Variants in FRK observed in about 807,000 individuals in gnomAD.
The protein encoded by FRK is fyn related Src family tyrosine kinase.
A neutral mutation model predicts 56.4 loss-of-function variants in FRK; 51 were observed. The ratio of observed to expected loss-of-function variants is 0.90; its 90% confidence interval spans 0.72 to 1.14. The LOEUF is 1.14. Ranked by LOEUF, FRK falls within the 50% of genes most tolerant of loss-of-function variation. The pLI, the probability that FRK is intolerant of heterozygous loss-of-function variation, is 0.00. For missense variants in FRK, 570 were observed against 601.4 expected (o/e 0.95, Z 0.55); for synonymous variants, 245 against 217.9 (o/e 1.12, Z -1.10).
intron 7 of FRK, 72 bp from the exon 8 acceptor site, chr6:115,942,697 C>T (rs1243468188): frequency 1.4e-5 from 18 of 1,256,106 alleles, no homozygotes; most frequent in East Asian, 2.3e-5. Flanking sequence ...AACTTATAGC[C>T]ATTTATACTC....
intron 1 of FRK, among the ~76,000 whole-genome samples, chr6:116,057,675 G>C (rs1777451506): frequency 6.6e-6 from 1 of 152,136 alleles, no homozygotes; most frequent in African/African-American, 2.4e-5. Context: ...CAGAGATCTA[G>C]AATGGTACTG....
chr6:115,994,419 C>CA (rs1774757623), intron 2 of FRK, among the ~76,000 whole-genome samples: 1 of 146,512 alleles, frequency 6.8e-6, no homozygotes, highest in Non-Finnish European at 1.5e-5. Context: ...CCTCGCTATG[C>CA]ATTTGGATGA....
intron 2 of FRK, among the ~76,000 whole-genome samples, chr6:116,003,260 G>T (rs1775131532): frequency 6.6e-6 from 1 of 152,104 alleles, no homozygotes; most frequent in South Asian, 2.1e-4. Flanking sequence ...AAGATATTCT[G>T]CAACCTGGCA....
At chr6:116,054,498 CTATTATAA>C (rs932506016) in intron 1 of FRK, among the ~76,000 whole-genome samples, 12 of 137,206 alleles carry the variant, frequency 8.7e-5, no homozygotes, top group Non-Finnish European at 3.1e-5. Flanking sequence ...GTATATTATA[CTATTATAA>C]TATTATACTA....
At chr6:116,097,620 C>G in the FRK span, among the ~76,000 whole-genome samples, 1 of 152,098 alleles carries the variant, frequency 6.6e-6, no homozygotes, top group Non-Finnish European at 1.5e-5. Flanking sequence ...AATTATAGTA[C>G]CACCTCAATT....
chr6:115,953,094 T>G (rs1230150216), intron 5 of FRK, among the ~76,000 whole-genome samples: 1 of 143,590 alleles, frequency 7.0e-6, no homozygotes, highest in East Asian at 1.9e-4. Flanking sequence ...AAAAAATTTT[T>G]TAAAAAAAGA....
chr6:115,979,140 G>A (rs1461142073), intron 2 of FRK, among the ~76,000 whole-genome samples: 1 of 151,984 alleles, frequency 6.6e-6, no homozygotes, highest in Non-Finnish European at 1.5e-5. Context: ...ACAGCCTCAG[G>A]CAGGTTCTTC....
intron 1 of FRK, among the ~76,000 whole-genome samples, chr6:116,043,327 A>C (rs1371267835): frequency 6.6e-6 from 1 of 152,232 alleles, no homozygotes; most frequent in Non-Finnish European, 1.5e-5. Flanking sequence ...AAGTGATCAC[A>C]TAATTGGAAG....
chr6:115,951,824 ACTTTTAATACAAC>A (rs976132025), intron 5 of FRK, among the ~76,000 whole-genome samples: 2 of 152,166 alleles, frequency 1.3e-5, no homozygotes, highest in African/African-American at 4.8e-5. Context: ...ATCAACACAT[ACTTTTAATACAAC>A]CAACAGAGGT....
At chr6:115,954,218 C>T (rs1450285499) in intron 5 of FRK, among the ~76,000 whole-genome samples, 1 of 152,142 alleles carries the variant, frequency 6.6e-6, no homozygotes, top group African/African-American at 2.4e-5. Context: ...GTAAAGAGGG[C>T]TAGTGTGGCT....
chr6:115,943,070 A>G lies in FRK; in HGVS notation c.1256T>C (p.Phe419Ser). The change falls in exon 7 of 8, where the codon TTT (phenylalanine) becomes TCT (serine). Residue 419 changes from phenylalanine (F) to serine (S), a missense_variant. Transcript: ENST00000606080. ...AATGATTTCATAAAGAAGGATTCCA[A>G]ATGACCATACATCGGACTTAATGCT... ...KFSIKSDVWSFGILLYEIITY... is the reference protein window; with the variant it reads ...KFSIKSDVWSSGILLYEIITY... 1.9e-6 allele frequency: 3 copies of G among 1,613,434 alleles called. No homozygotes were observed. The highest frequency in any genetic ancestry group is 2.5e-6 in the Non-Finnish European group (3 of 1,179,686).
chr6:116,028,994 G>A lies in FRK; in HGVS notation c.345-24996C>T, dbSNP rs574816123. On this transcript the variant is annotated intron_variant, in intron 1 of 7. Coordinates refer to ENST00000606080, the MANE Select transcript of FRK (RefSeq NM_002031.3). ...CTCACTGAGCAGACAGTTGAGATGT[G>A]GGACCTGCCATTCTGTTTTGCTCAC... Among the ~76,000 whole-genome samples, 66 of 152,182 alleles carry A rather than the reference G, an allele frequency of 4.3e-4. 1 individual carries two copies. Among genetic ancestry groups the A allele is most frequent in the African/African-American group, 1.5e-3 (61 of 41,534 alleles).
At chr6:116,079,144 A>G in the FRK span, among the ~76,000 whole-genome samples, 1 of 152,062 alleles carries the variant, frequency 6.6e-6, no homozygotes, top group African/African-American at 2.4e-5. Flanking sequence ...GAAATTGCTG[A>G]GTAGTAGATT....
At chr6:116,090,950 A>T in the FRK span, among the ~76,000 whole-genome samples, 1 of 152,244 alleles carries the variant, frequency 6.6e-6, no homozygotes, top group African/African-American at 2.4e-5. Context: ...CATTTAATTA[A>T]ATTTCATTTC....
chr6:116,016,734 T>TCTTC (rs1775671130), intron 1 of FRK, among the ~76,000 whole-genome samples: 1 of 152,188 alleles, frequency 6.6e-6, no homozygotes, highest in Admixed American at 6.5e-5. Context: ...CTTCATTCTT[T>TCTTC]CTTTCTTTCT....
chr6:116,030,197 C>T (rs1776249031), intron 1 of FRK, among the ~76,000 whole-genome samples: 1 of 151,998 alleles, frequency 6.6e-6, no homozygotes, highest in South Asian at 2.1e-4. Flanking sequence ...AATTCAGACC[C>T]TCTCAATTTC....
chr6:116,040,962 T>C (rs1238695196), intron 1 of FRK, among the ~76,000 whole-genome samples: 1 of 152,156 alleles, frequency 6.6e-6, no homozygotes, highest in Non-Finnish European at 1.5e-5. Flanking sequence ...CTTTAAAAGA[T>C]GGTAGAAATT....
At chr6:116,073,592 A>G in the FRK span, among the ~76,000 whole-genome samples, 391 of 152,290 alleles carry the variant, frequency 2.6e-3, 12 homozygotes, top group South Asian at 0.044. Context: ...AGCACTAAAC[A>G]TATTAAAAAT....
At chr6:116,055,519 A>G (rs1777356889) in intron 1 of FRK, among the ~76,000 whole-genome samples, 1 of 152,238 alleles carries the variant, frequency 6.6e-6, no homozygotes, top group Non-Finnish European at 1.5e-5. Context: ...AGATACAAAG[A>G]CACCATCGTA....
Sources: allele counts gnomAD v4.1 joint callset (sites outside exome capture counted in the v4.1 genomes callset), GRCh38; gene constraint gnomAD v4.1.1; transcripts MANE v1.5; gene names NCBI Gene and HGNC (gene_info 2026-07-23, HGNC 2026-07-21).